The following PALM2AKAP2 variants were observed in gnomAD, a reference collection of about 807,000 sequenced individuals.
PALM2AKAP2 encodes PALM2-AKAP2 fusion protein.
A neutral mutation model predicts 71.5 loss-of-function variants in PALM2AKAP2; 37 were observed. The ratio of observed to expected loss-of-function variants is 0.52; its 90% confidence interval spans 0.40 to 0.68. PALM2AKAP2 has a LOEUF of 0.68. Among genes scored for constraint, PALM2AKAP2 ranks in the 30% least tolerant of loss-of-function variants. The probability of loss-of-function intolerance (pLI) is 0.00; values close to 1 mark genes in which losing one functional copy is unlikely to be tolerated. For missense variants in PALM2AKAP2, 1,224 were observed against 1,191.8 expected (o/e 1.03, Z -0.40); for synonymous variants, 468 against 478.8 (o/e 0.98, Z 0.29).
intron 1 of PALM2AKAP2, among the ~76,000 whole-genome samples, chr9:110,126,552 G>C (rs1481194305): frequency 6.6e-6 from 1 of 152,196 alleles, no homozygotes; most frequent in Non-Finnish European, 1.5e-5. Context: ...AAGAGCCTCC[G>C]AGGGCTCCTT....
At chr9:109,722,103 T>C (rs1828415126) in intron 1 of PALM2AKAP2, among the ~76,000 whole-genome samples, 1 of 152,194 alleles carries the variant, frequency 6.6e-6, no homozygotes, top group African/African-American at 2.4e-5. Context: ...TTATATGTAA[T>C]AGCAAAATAC....
Position 109,965,763 on chromosome 9 carries a change from G to A in PALM2AKAP2, c.496+33735G>A, listed in dbSNP as rs776621218. 5.9e-5 allele frequency among the ~76,000 whole-genome samples: 9 copies of A among 152,186 alleles called. No homozygotes were observed. The East Asian group carries it at 7.7e-4, about 13-fold the overall frequency. On this transcript the variant is annotated intron_variant, in intron 6 of 9. Transcript: ENST00000302798. ...ACCACAATAAAAAAATAAATGCCTC[G>A]TGCAGTACCTGGCCATTGAAGATAC...
At chr9:109,690,383 G>A (rs370374784) in intron 1 of PALM2AKAP2, among the ~76,000 whole-genome samples, 2 of 152,214 alleles carry the variant, frequency 1.3e-5, no homozygotes, top group African/African-American at 4.8e-5. Flanking sequence ...CTCTTTTTCT[G>A]TCTCTCTCCG....
chr9:109,830,667 A>G (rs1043952832), intron 1 of PALM2AKAP2, among the ~76,000 whole-genome samples: 3 of 152,238 alleles, frequency 2.0e-5, no homozygotes, highest in African/African-American at 7.2e-5. Context: ...GGCTTGGGAT[A>G]ACAGAATGAA....
rs188307732 is a variant in PALM2AKAP2, at chr9:109,726,543, C to T, written c.6-53945C>T. Among the ~76,000 whole-genome samples the T allele has an allele frequency of 1.5e-4, 23 of 152,332 alleles. No individual in the cohort carries two copies. The East Asian group carries it at 4.4e-3, about 29-fold the overall frequency. On this transcript the variant is annotated intron_variant, in intron 1 of 6. Transcript: ENST00000374531. ...CTGTGAGTGACTTCACATTCTTTAA[C>T]AAATCTCTTTCCTGCTTAAATTAAA...
intron 1 of PALM2AKAP2, among the ~76,000 whole-genome samples, chr9:109,757,913 A>C (rs185158355): frequency 6.6e-6 from 1 of 152,172 alleles, no homozygotes; most frequent in African/African-American, 2.4e-5. Context: ...TCAAGAAGGT[A>C]ATATATTCTC....
At chr9:110,028,966 T>G (rs914214890) in intron 7 of PALM2AKAP2, among the ~76,000 whole-genome samples, 1 of 151,694 alleles carries the variant, frequency 6.6e-6, no homozygotes, top group East Asian at 1.9e-4. Context: ...AAAAAAAGAC[T>G]TTTTTCATTT....
Position 109,895,033 on chromosome 9 carries a change from G to A in PALM2AKAP2, c.257+14352G>A, listed in dbSNP as rs552236359. On this transcript the variant is annotated intron_variant, in intron 3 of 9. Transcript: ENST00000302798. Reference sequence around the variant, plus strand: ...CCCCACACCACTTCCCATCATAGAGGTGAAGAACCTGAGGCCGGGACACAC... The same window carrying A: ...CCCCACACCACTTCCCATCATAGAGATGAAGAACCTGAGGCCGGGACACAC... Among the ~76,000 whole-genome samples the A allele has an allele frequency of 5.9e-5, 9 of 152,284 alleles. No individual in the cohort carries two copies. In the South Asian group the frequency reaches 1.9e-3, roughly 32 times the overall value.
intron 1 of PALM2AKAP2, among the ~76,000 whole-genome samples, chr9:110,121,470 C>T (rs1588121065): frequency 1.3e-5 from 2 of 152,112 alleles, no homozygotes; most frequent in Non-Finnish European, 2.9e-5. Flanking sequence ...GCCCCAGCTT[C>T]GCTAAGCACC....
chr9:109,732,255 G>A lies in PALM2AKAP2; in HGVS notation c.6-48233G>A, dbSNP rs189443209. ...TTTCCCCAAAGCTCTCAGGTATATT[G>A]CCTCAGAAGGCTGGGAAGGTAGTGT... On this transcript the variant is annotated intron_variant, in intron 1 of 6. Coordinates refer to the PALM2AKAP2 transcript ENST00000374531. Among the ~76,000 whole-genome samples, 707 of 152,322 alleles carry A rather than the reference G, an allele frequency of 4.6e-3. 2 individuals are homozygous for A. Among genetic ancestry groups the A allele is most frequent in the Non-Finnish European group, 7.9e-3 (535 of 68,026 alleles).
intron 1 of PALM2AKAP2, among the ~76,000 whole-genome samples, chr9:109,713,753 A>G (rs1268020439): frequency 1.3e-5 from 2 of 152,200 alleles, no homozygotes; most frequent in African/African-American, 4.8e-5. Context: ...AGGAACCTGG[A>G]AGGAGGAAGG....
intron 1 of PALM2AKAP2, among the ~76,000 whole-genome samples, chr9:110,069,085 TAAG>T (rs1331856918): frequency 6.6e-6 from 1 of 152,196 alleles, no homozygotes; most frequent in Admixed American, 6.5e-5. Context: ...CAAAGGTCTC[TAAG>T]AAGAAGAGGT....
intron 5 of PALM2AKAP2, among the ~76,000 whole-genome samples, chr9:109,926,446 C>G (rs982955247): frequency 6.6e-6 from 1 of 152,102 alleles, no homozygotes; most frequent in African/African-American, 2.4e-5. Context: ...TAGGAAGTCT[C>G]TATGGTGTGA....
chr9:110,026,961 T>C (rs1381910136), intron 7 of PALM2AKAP2, among the ~76,000 whole-genome samples: 1 of 152,146 alleles, frequency 6.6e-6, no homozygotes, highest in East Asian at 1.9e-4. Context: ...GAGAATCGCT[T>C]GAACCCAGGA....
intron 7 of PALM2AKAP2, among the ~76,000 whole-genome samples, chr9:110,038,404 T>A (rs936739619): frequency 6.8e-6 from 1 of 147,336 alleles, no homozygotes. Flanking sequence ...AAGAAACAGT[T>A]GTGAAAGCCA....
upstream of PALM2AKAP2, among the ~76,000 whole-genome samples, chr9:110,047,122 T>G (rs919116411): frequency 6.6e-6 from 1 of 152,162 alleles, no homozygotes; most frequent in African/African-American, 2.4e-5. Context: ...AAGAAAAAGT[T>G]GAGTCAAGGC....
At chr9:109,961,533 G>A (rs1831851152) in intron 6 of PALM2AKAP2, among the ~76,000 whole-genome samples, 2 of 152,178 alleles carry the variant, frequency 1.3e-5, no homozygotes, top group African/African-American at 2.4e-5. Flanking sequence ...TCTCTGACTG[G>A]GGTGACCATA....
chr9:109,900,245 A>G (rs903978103), intron 3 of PALM2AKAP2, among the ~76,000 whole-genome samples: 1 of 152,242 alleles, frequency 6.6e-6, no homozygotes, highest in African/African-American at 2.4e-5. Context: ...AGAAGTATAG[A>G]CAAGTACTGC....
At chr9:109,757,273 C>T (rs1000023453) in intron 1 of PALM2AKAP2, among the ~76,000 whole-genome samples, 2 of 152,110 alleles carry the variant, frequency 1.3e-5, no homozygotes, top group African/African-American at 4.8e-5. Context: ...CCAGTTCCAT[C>T]ACATTGCTTC....
Sources: gnomAD v4.1 joint callset for allele counts (sites outside exome capture counted in the v4.1 genomes callset) on GRCh38, gnomAD v4.1.1 for gene constraint, MANE v1.5 for transcripts, NCBI Gene and HGNC (gene_info 2026-07-23, HGNC 2026-07-21) for gene names.